NOL8: variants seen among roughly 807,000 people sequenced by gnomAD.
NOL8 encodes nucleolar protein Nop132.
In NOL8, 93 loss-of-function variants were observed where a neutral mutation model predicts 116.1. The observed-to-expected ratio is 0.80, with a 90% CI of 0.68 to 0.95. The LOEUF (loss-of-function observed/expected upper bound fraction) is 0.95, where lower values mean the gene tolerates loss of function less well. NOL8 is among the 40% of genes least tolerant of loss of function. The pLI, the probability that NOL8 is intolerant of heterozygous loss-of-function variation, is 0.00. For missense variants in NOL8, 1,291 were observed against 1,382.8 expected (o/e 0.93, Z 1.05); for synonymous variants, 419 against 469.0 (o/e 0.89, Z 1.38).
chr9:92,316,684 G>A (rs796489526), intron 6 of NOL8, among the ~76,000 whole-genome samples: 5 of 152,048 alleles, frequency 3.3e-5, no homozygotes, highest in African/African-American at 1.2e-4. Context: ...GCCTGGGCAC[G>A]GTGGCTCATG....
rs375933918 is a variant in NOL8, at chr9:92,314,899, C to A, written c.1726G>T (p.Val576Leu). The change falls in exon 7 of 17, where the codon GTA becomes TTA. Residue 576 changes from valine to leucine, a missense_variant. Transcript: ENST00000442668. ...LKPKFQAFKG[V>L]GCLYEKESMK... The stretch of plus-strand genomic sequence containing the variant: ...GACTCCTTTTCATATAGACAGCCTA[C>A]TCCCTTGAAAGCCTGAAATTTTGGC... The A allele has an allele frequency of 7.3e-5, 117 of 1,613,600 alleles. No individual in the cohort carries two copies. Among genetic ancestry groups the A allele is most frequent in the Non-Finnish European group, 9.7e-5 (114 of 1,179,872 alleles).
At position 92,323,505 on chromosome 9, in the gene NOL8, TA is replaced by T; in HGVS notation, c.140-3del. The T allele has an allele frequency of 1.3e-6, 2 of 1,597,126 alleles. No individual in the cohort carries two copies. Among genetic ancestry groups the T allele is most frequent in the South Asian group, 1.1e-5 (1 of 89,030 alleles). Reference sequence around the variant, plus strand: ...ATGCAAAAACTTTCTGTGGGTTTCCTAAAAAACAAACAAACAAACAAACAAA... The same window carrying T: ...ATGCAAAAACTTTCTGTGGGTTTCCTAAAAACAAACAAACAAACAAACAAA... On this transcript the variant is annotated splice_region_variant and splice_polypyrimidine_tract_variant and intron_variant, in intron 2 of 16. Transcript: ENST00000442668.
chr9:92,314,192 A>G (rs1192645031), intron 7 of NOL8, 75 bp downstream of exon 7: 2 of 1,484,532 alleles, frequency 1.3e-6, no homozygotes, highest in African/African-American at 2.8e-5. Context: ...CTATGGGGGC[A>G]CACCTAACTT....
At chr9:92,313,296 T>C (rs1839023918) in intron 7 of NOL8, among the ~76,000 whole-genome samples, 1 of 152,184 alleles carries the variant, frequency 6.6e-6, no homozygotes, top group South Asian at 2.1e-4. Context: ...GTTCGATTTG[T>C]TTTCATCATG....
At chr9:92,298,849 C>T (rs1302378253) in intron 15 of NOL8, 35 bp downstream of exon 15, 2 of 1,246,684 alleles carry the variant, frequency 1.6e-6, no homozygotes, top group Non-Finnish European at 1.1e-6. Flanking sequence ...ATTACCTGTT[C>T]TATGTATGTA....
chr9:92,313,317 T>C (rs1408075903), intron 7 of NOL8, among the ~76,000 whole-genome samples: 1 of 152,144 alleles, frequency 6.6e-6, no homozygotes, highest in African/African-American at 2.4e-5. Context: ...GTCTGAAGGA[T>C]CTCTCCCAAA....
chr9:92,308,309 C>A (rs1258653596), intron 10 of NOL8, among the ~76,000 whole-genome samples: 3 of 152,128 alleles, frequency 2.0e-5, no homozygotes, highest in African/African-American at 7.2e-5. Flanking sequence ...TTACAGTAAG[C>A]TATGACTGTG....
At chr9:92,303,325 C>G (rs1212411174) in intron 12 of NOL8, among the ~76,000 whole-genome samples, 2 of 152,032 alleles carry the variant, frequency 1.3e-5, no homozygotes, top group African/African-American at 2.4e-5. Flanking sequence ...CTACTTATGT[C>G]TGAACTGCAA....
Position 92,310,644 on chromosome 9 carries a change from A to G in NOL8, c.2504T>C (p.Phe835Ser), listed in dbSNP as rs1838686910. Residue 835 changes from phenylalanine (F) to serine (S), a missense_variant, in exon 9 of 17, where the codon TTT becomes TCT. Physicochemically the swap from Phe to Ser is radical, Grantham distance 155. Coordinates refer to ENST00000442668, the MANE Select transcript of NOL8 (RefSeq NM_017948.6). Reference sequence around the variant, plus strand: ...AGATTCGTCATCATCACTGCTATCAAACAGCTTCCCTGATGTTTTACCCAT... The same window carrying G: ...AGATTCGTCATCATCACTGCTATCAGACAGCTTCCCTGATGTTTTACCCAT... Reference protein sequence around the residue: ...ESMGKTSGKLFDSSDDDESDS... With the variant: ...ESMGKTSGKLSDSSDDDESDS... 5.0e-6 allele frequency: 8 copies of G among 1,612,094 alleles called. No homozygotes were observed. Among genetic ancestry groups the G allele is most frequent in the South Asian group, 1.1e-5 (1 of 90,636 alleles).
chr9:92,310,733 A>C (rs2134115281), intron 8 of NOL8, 58 bp from the exon 9 acceptor site: 1 of 1,529,828 alleles, frequency 6.5e-7, no homozygotes, highest in East Asian at 2.3e-5. Flanking sequence ...ATTTCCCTTC[A>C]TAACGTAATC....
chr9:92,323,535 A>G, intron 2 of NOL8, 32 bp from the exon 3 acceptor site: 1 of 1,542,078 alleles, frequency 6.5e-7, no homozygotes, highest in Non-Finnish European at 8.8e-7. Context: ...AAACAAAACA[A>G]TTTATTTAAA....
chr9:92,300,023 C>T lies in NOL8; in HGVS notation c.3176-7G>A, dbSNP rs375952357. The T allele has an allele frequency of 3.1e-5, 50 of 1,611,364 alleles. No individual in the cohort carries two copies. The East Asian group carries it at 4.7e-4, about 15-fold the overall frequency. ...GTTTCAACTCTGTAGGTCTCTATAT[C>T]GTTATGACAACAAAAGATGATGGGA... On this transcript the variant is annotated splice_polypyrimidine_tract_variant and splice_region_variant and intron_variant, in intron 13 of 16. Coordinates refer to ENST00000442668, the MANE Select transcript of NOL8 (RefSeq NM_017948.6).
intron 13 of NOL8, among the ~76,000 whole-genome samples, chr9:92,301,189 T>G (rs1837713925): frequency 6.6e-6 from 1 of 152,262 alleles, no homozygotes; most frequent in African/African-American, 2.4e-5. Context: ...TTATCTTATA[T>G]ATAGCACTAG....
chr9:92,321,666 A>C lies in NOL8; in HGVS notation c.281+2T>G, dbSNP rs1435491854. ...CTTAAATCCATGTGGAGCAAAACTT[A>C]CCTGTGCAGAAAGCTTTCTTTTGCT... On this transcript the variant is annotated splice_donor_variant, in intron 4 of 16. Transcript: ENST00000442668. LOFTEE classifies it high-confidence loss of function. 1 of 1,520,482 alleles carries C rather than the reference A, an allele frequency of 6.6e-7. No homozygotes were observed. The highest frequency in any genetic ancestry group is 1.4e-5 in the African/African-American group (1 of 71,508). The allele number at this position is 1,520,482 out of a possible 1,614,324, so 94.2% of individuals were successfully genotyped here.
chr9:92,314,922 G>A lies in NOL8; in HGVS notation c.1703C>T (p.Pro568Leu), dbSNP rs1839227819. ...TACTCCCTTGAAAGCCTGAAATTTT[G>A]GCTTTAAATTGTTTTCCTTTGGTTT... ...KQKPKENNLK[P>L]KFQAFKGVGC... The change falls in exon 7 of 17, where the codon CCA becomes CTA. Residue 568 changes from proline (P) to leucine (L), a missense_variant. Coordinates refer to ENST00000442668, the MANE Select transcript of NOL8 (RefSeq NM_017948.6). The A allele has an allele frequency of 6.2e-7, 1 of 1,613,576 alleles. No homozygotes were observed. The highest frequency in any genetic ancestry group is 8.5e-7 in the Non-Finnish European group (1 of 1,179,874).
In NOL8 at chr9:92,315,031, G is replaced by A; in HGVS notation, c.1594C>T (p.Leu532Phe). Residue 532 changes from leucine (L) to phenylalanine (F), a missense_variant, in exon 7 of 17, where the codon CTC becomes TTC. Transcript: ENST00000442668. ...GSKSPKTPTG[L>F]RRGRQCIRPA... ...CGAATACACTGTCGGCCTCTGCGGA[G>A]GCCAGTGGGAGTCTTGGGGCTCTTG... 1 of 1,614,040 alleles carries A rather than the reference G, an allele frequency of 6.2e-7. No individual in the cohort carries two copies. The highest frequency in any genetic ancestry group is 8.5e-7 in the Non-Finnish European group (1 of 1,179,900).
rs1839154132 is a variant in NOL8 at position 92,314,363 on chromosome 9, A to G, written c.2262T>C (p.His754=). The part of the protein sequence containing the change: ...NSSDVSAKDK[H]AEDNEKRLAA... ...CCAAACGCTTCTCATTGTCTTCAGCATGCTTATCTTTAGCACTCACATCTG... is the reference window on the plus strand; with the variant it reads ...CCAAACGCTTCTCATTGTCTTCAGCGTGCTTATCTTTAGCACTCACATCTG... The change falls in exon 7 of 17, where the codon CAT becomes CAC. Residue 754 remains histidine, a synonymous_variant. Coordinates refer to ENST00000442668, the MANE Select transcript of NOL8 (RefSeq NM_017948.6). The G allele has an allele frequency of 3.1e-6, 5 of 1,613,190 alleles. No individual in the cohort carries two copies. The highest frequency in any genetic ancestry group is 4.2e-6 in the Non-Finnish European group (5 of 1,179,332).
At position 92,315,932 on chromosome 9, in the gene NOL8, C is replaced by T. The variant is rs1390066007; in HGVS notation, c.693G>A (p.Gly231=). ...IKVQKDESST[G]SLAMSTRPRR... ...TGGGCCTTGTACTCATGGCCAGAGACCCAGTGGAACTCTCATCCTTCTGCA... is the reference window on the plus strand; with the variant it reads ...TGGGCCTTGTACTCATGGCCAGAGATCCAGTGGAACTCTCATCCTTCTGCA... The change falls in exon 7 of 17, where the codon GGG becomes GGA. Residue 231 remains glycine, a synonymous_variant. Transcript: ENST00000442668. 3 of 1,613,816 alleles carry T rather than the reference C, an allele frequency of 1.9e-6. No homozygotes were observed. In the South Asian group the frequency reaches 3.3e-5, roughly 18 times the overall value.
chr9:92,319,508 T>C (rs1182738580), intron 4 of NOL8, among the ~76,000 whole-genome samples, 152 bp from the exon 5 acceptor site: 1 of 152,244 alleles, frequency 6.6e-6, no homozygotes. Context: ...AGTAGCATAA[T>C]AGCTTACCTA....
Sources: gnomAD v4.1 joint callset for allele counts (sites outside exome capture counted in the v4.1 genomes callset) on GRCh38, gnomAD v4.1.1 for gene constraint, MANE v1.5 for transcripts, NCBI Gene and HGNC (gene_info 2026-07-23, HGNC 2026-07-21) for gene names.